PTPRD: variants seen among roughly 807,000 people sequenced by gnomAD.
The protein encoded by PTPRD is protein tyrosine phosphatase receptor type D.
In PTPRD, 34 loss-of-function variants were observed where a neutral mutation model predicts 214.5. That is an observed-to-expected ratio of 0.16 (90% CI 0.12 to 0.21). The LOEUF (loss-of-function observed/expected upper bound fraction) is 0.21. Ranked by LOEUF, PTPRD falls within the 10% of genes least tolerant of loss-of-function variation. The pLI is 1.00. For missense variants in PTPRD, 2,545 were observed against 2,398.7 expected, an observed-to-expected ratio of 1.06 and a Z score of -1.27; for synonymous variants, 1,128 against 845.7, an observed-to-expected ratio of 1.33 and a Z score of -5.79.
intron 6 of PTPRD, among the ~76,000 whole-genome samples, chr9:9,751,196 G>C (rs997866548): frequency 6.6e-6 from 1 of 152,022 alleles, no homozygotes; most frequent in Non-Finnish European, 1.5e-5. Flanking sequence ...ATTTTTACAA[G>C]AGTATCCCAT....
rs548770996 is a variant in PTPRD at position 10,217,644 on chromosome 9, T to G, written c.-545+123319A>C. On this transcript the variant is annotated intron_variant, in intron 3 of 45. Transcript: ENST00000381196. ...TCTGTCCAAGAGGAAAAAATGAAAT[T>G]TAATTCAACTAAACCATCTAAAGCT... Among the ~76,000 whole-genome samples, 4 of 151,998 alleles carry G rather than the reference T, an allele frequency of 2.6e-5. No homozygotes were observed. In the South Asian group the frequency reaches 8.3e-4, roughly 31 times the overall value.
chr9:9,907,441 G>A (rs1450432744), intron 5 of PTPRD, among the ~76,000 whole-genome samples: 1 of 151,832 alleles, frequency 6.6e-6, no homozygotes, highest in African/African-American at 2.4e-5. Context: ...TTTCTCATGA[G>A]GCCTCCCTTT....
intron 11 of PTPRD, among the ~76,000 whole-genome samples, chr9:8,885,038 T>C (rs2098475351): frequency 6.6e-6 from 1 of 152,212 alleles, no homozygotes; most frequent in Non-Finnish European, 1.5e-5. Context: ...TCAATTAGCA[T>C]GACTATGATA....
intron 2 of PTPRD, among the ~76,000 whole-genome samples, chr9:10,448,777 T>G (rs528448904): frequency 1.8e-4 from 28 of 152,066 alleles, no homozygotes; most frequent in Middle Eastern, 3.4e-3. Flanking sequence ...CAATGCTCTG[T>G]CCAACGCATC....
chr9:9,543,439 A>G (rs13284058), intron 8 of PTPRD, among the ~76,000 whole-genome samples: 45 of 151,812 alleles, frequency 3.0e-4, no homozygotes, highest in Non-Finnish European at 6.3e-4. Flanking sequence ...ACATTATATC[A>G]ATATCATGTA....
At chr9:8,584,783 A>C (rs1264277870) in intron 14 of PTPRD, among the ~76,000 whole-genome samples, 5 of 152,202 alleles carry the variant, frequency 3.3e-5, no homozygotes, top group Non-Finnish European at 7.3e-5. Flanking sequence ...TTTATAAAGG[A>C]AAGAGGTTTA....
intron 9 of PTPRD, among the ~76,000 whole-genome samples, chr9:9,338,600 T>A (rs761852099): frequency 5.9e-5 from 9 of 152,306 alleles, no homozygotes; most frequent in Non-Finnish European, 1.2e-4. Flanking sequence ...TGGTATAAAA[T>A]TAACTTTCCA....
At chr9:8,512,692 T>C (rs150716806) in intron 21 of PTPRD, among the ~76,000 whole-genome samples, 56 of 152,118 alleles carry the variant, frequency 3.7e-4, no homozygotes, top group African/African-American at 1.1e-3. Flanking sequence ...TGAAGGCATA[T>C]ACTGTTAAAG....
intron 3 of PTPRD, among the ~76,000 whole-genome samples, chr9:10,250,794 T>G (rs1030441683): frequency 6.6e-6 from 1 of 151,874 alleles, no homozygotes; most frequent in Non-Finnish European, 1.5e-5. Context: ...ATATATAAAA[T>G]AATATGTGGA....
At chr9:10,422,516 C>T (rs962724375) in intron 2 of PTPRD, among the ~76,000 whole-genome samples, 2 of 151,970 alleles carry the variant, frequency 1.3e-5, no homozygotes, top group Non-Finnish European at 2.9e-5. Flanking sequence ...TCAGAGTAAA[C>T]AGGCAACCTA....
At chr9:9,139,116 T>A (rs1329848426) in intron 10 of PTPRD, among the ~76,000 whole-genome samples, 2 of 121,614 alleles carry the variant, frequency 1.6e-5, no homozygotes, top group East Asian at 2.9e-4. Context: ...CGCCCCCACC[T>A]TATCCGTGGG....
intron 3 of PTPRD, among the ~76,000 whole-genome samples, chr9:10,093,793 G>T (rs957499503): frequency 6.6e-6 from 1 of 151,398 alleles, no homozygotes; most frequent in Non-Finnish European, 1.5e-5. Context: ...CAGTAACATG[G>T]ATGCAGCTGG....
intron 6 of PTPRD, among the ~76,000 whole-genome samples, chr9:9,738,159 G>T (rs1318009197): frequency 1.3e-5 from 2 of 152,064 alleles, no homozygotes; most frequent in Non-Finnish European, 2.9e-5. Flanking sequence ...GTTAAATGAC[G>T]AGTTAACGGG....
intron 5 of PTPRD, among the ~76,000 whole-genome samples, chr9:9,898,655 A>G (rs922733662): frequency 1.3e-5 from 2 of 152,086 alleles, no homozygotes; most frequent in African/African-American, 4.8e-5. Flanking sequence ...ATAATGTCAC[A>G]TATGCTTTAT....
intron 7 of PTPRD, among the ~76,000 whole-genome samples, chr9:9,620,691 T>C (rs1388334678): frequency 2.0e-5 from 3 of 152,138 alleles, no homozygotes; most frequent in African/African-American, 7.2e-5. Context: ...TTTGACACAA[T>C]TAAAACAGGT....
intron 11 of PTPRD, among the ~76,000 whole-genome samples, chr9:8,863,679 A>T (rs1005298217): frequency 3.9e-5 from 6 of 152,182 alleles, no homozygotes; most frequent in African/African-American, 7.2e-5. Context: ...CAGCATTTTT[A>T]AAAAATAAAA....
At chr9:10,156,660 A>C (rs376775032) in intron 3 of PTPRD, among the ~76,000 whole-genome samples, 1 of 152,128 alleles carries the variant, frequency 6.6e-6, no homozygotes, top group Non-Finnish European at 1.5e-5. Flanking sequence ...CATTTGTTTC[A>C]GTGCTGAGTT....
chr9:8,632,497 G>T (rs572886268), intron 14 of PTPRD, among the ~76,000 whole-genome samples: 1 of 151,902 alleles, frequency 6.6e-6, no homozygotes, highest in South Asian at 2.1e-4. Flanking sequence ...CAAATGAGTT[G>T]TGTGAGGGAG....
At chr9:8,370,706 G>A (rs1228917582) in intron 39 of PTPRD, among the ~76,000 whole-genome samples, 1 of 152,026 alleles carries the variant, frequency 6.6e-6, no homozygotes, top group East Asian at 1.9e-4. Flanking sequence ...CACCAGGGAA[G>A]GCTTGACAGA....
Sources: gnomAD v4.1 joint callset for allele counts (sites outside exome capture counted in the v4.1 genomes callset) on GRCh38, gnomAD v4.1.1 for gene constraint, MANE v1.5 for transcripts, NCBI Gene and HGNC (gene_info 2026-07-23, HGNC 2026-07-21) for gene names.